The following GPC5 variants were observed in gnomAD, a reference collection of about 807,000 sequenced individuals.
GPC5 encodes glypican 5.
A neutral mutation model predicts 53.9 loss-of-function variants in GPC5; 47 were observed. The ratio of observed to expected loss-of-function variants is 0.87; its 90% CI spans 0.69 to 1.11. The LOEUF is 1.11. GPC5 is among the 50% of genes most tolerant of loss of function. GPC5 has a pLI of 0.00. For missense variants in GPC5, 748 were observed against 713.1 expected (o/e 1.05, Z -0.56); for synonymous variants, 286 against 263.3 (o/e 1.09, Z -0.84).
chr13:91,609,431 A>G (rs1290266889), intron 2 of GPC5, among the ~76,000 whole-genome samples: 5 of 152,148 alleles, frequency 3.3e-5, no homozygotes, highest in Non-Finnish European at 7.4e-5. Flanking sequence ...CCAGGAGGGG[A>G]ACACCTCATG....
At chr13:91,757,524 T>C (rs1302422633) in intron 5 of GPC5, among the ~76,000 whole-genome samples, 1 of 152,120 alleles carries the variant, frequency 6.6e-6, no homozygotes, top group Non-Finnish European at 1.5e-5. Context: ...TCCCCGATCC[T>C]GTTCTTGGGA....
intron 1 of GPC5, among the ~76,000 whole-genome samples, chr13:91,429,960 A>T (rs1235244670): frequency 2.6e-5 from 4 of 152,326 alleles, no homozygotes; most frequent in South Asian, 4.1e-4. Context: ...GTGTTAGATT[A>T]TACACTCTGG....
chr13:92,152,917 A>AC (rs746220069), intron 7 of GPC5, among the ~76,000 whole-genome samples: 1 of 152,178 alleles, frequency 6.6e-6, no homozygotes, highest in African/African-American at 2.4e-5. Context: ...ATTTCACTGA[A>AC]CAGAGAGTTT....
chr13:92,082,422 A>G (rs2041303473), intron 6 of GPC5, among the ~76,000 whole-genome samples: 1 of 152,146 alleles, frequency 6.6e-6, no homozygotes, highest in African/African-American at 2.4e-5. Context: ...AATTTATAAT[A>G]CCCAGAGGAG....
At chr13:91,571,758 C>CGTGT (rs1566514982) in intron 2 of GPC5, among the ~76,000 whole-genome samples, 1 of 94,168 alleles carries the variant, frequency 1.1e-5, no homozygotes, top group African/African-American at 6.6e-5. Flanking sequence ...CACACATATA[C>CGTGT]ATGTGTATGT....
intron 7 of GPC5, among the ~76,000 whole-genome samples, chr13:92,595,277 G>A (rs189031875): frequency 2.7e-4 from 41 of 152,202 alleles, no homozygotes; most frequent in Middle Eastern, 6.8e-3. Context: ...TTCTCTCCAG[G>A]CCAATGCAGA....
At chr13:92,562,647 C>A (rs1156438316) in intron 7 of GPC5, among the ~76,000 whole-genome samples, 1 of 151,946 alleles carries the variant, frequency 6.6e-6, no homozygotes, top group African/African-American at 2.4e-5. Flanking sequence ...CAATATGCTG[C>A]GAAATCATCT....
intron 7 of GPC5, among the ~76,000 whole-genome samples, chr13:92,808,232 T>C (rs902440202): frequency 6.6e-6 from 1 of 152,106 alleles, no homozygotes; most frequent in Non-Finnish European, 1.5e-5. Flanking sequence ...TTTCCATAGA[T>C]TTTGTAATGC....
At chr13:91,483,961 T>C (rs1883448034) in intron 2 of GPC5, among the ~76,000 whole-genome samples, 3 of 152,220 alleles carry the variant, frequency 2.0e-5, no homozygotes, top group Non-Finnish European at 2.9e-5. Flanking sequence ...TCCTGAACTT[T>C]CAATTTATCA....
Position 92,377,447 on chromosome 13 carries a change from T to C in GPC5, c.1561+232458T>C, listed in dbSNP as rs564558856. ...TGGAAGTAAAGGAATAAATTAATTG[T>C]CTCTGTGATATAATATGGAAGTTAT... is the stretch of plus-strand genomic sequence containing the variant. On this transcript the variant is annotated intron_variant, in intron 7 of 7. Coordinates refer to ENST00000377067, the MANE Select transcript of GPC5 (RefSeq NM_004466.6). Among the ~76,000 whole-genome samples, 4 of 152,306 alleles carry C rather than the reference T, an allele frequency of 2.6e-5. No individual in the cohort carries two copies. In the South Asian group the frequency reaches 6.2e-4, roughly 24 times the overall value.
intron 7 of GPC5, among the ~76,000 whole-genome samples, chr13:92,781,955 AC>A (rs1208709170): frequency 6.6e-6 from 1 of 152,106 alleles, no homozygotes; most frequent in Non-Finnish European, 1.5e-5. Flanking sequence ...TAATTTCCAC[AC>A]CAATTTTCAA....
chr13:91,543,570 A>G (rs2030096363), intron 2 of GPC5, among the ~76,000 whole-genome samples: 1 of 151,784 alleles, frequency 6.6e-6, no homozygotes, highest in Non-Finnish European at 1.5e-5. Flanking sequence ...TTTTTATGTT[A>G]TAGTAAAAAT....
rs141985815 is a variant in GPC5, at chr13:92,749,654, G to T, written c.1562-116628G>T. Among the ~76,000 whole-genome samples, 979 of 152,098 alleles carry T rather than the reference G, an allele frequency of 6.4e-3. 10 individuals are homozygous for T. Among genetic ancestry groups the T allele is most frequent in the African/African-American group, 0.023 (936 of 41,488 alleles). ...AATATGCTTCTGTTGCCTGACACAT[G>T]GTTTTCCATAACATCTTTCAATTGC... On this transcript the variant is annotated intron_variant, in intron 7 of 7. Transcript: ENST00000377067.
chr13:91,945,040 T>G (rs978609012), intron 6 of GPC5, among the ~76,000 whole-genome samples: 1 of 152,190 alleles, frequency 6.6e-6, no homozygotes, highest in African/African-American at 2.4e-5. Context: ...TATCTTGGAG[T>G]TGAACATTCT....
chr13:91,660,826 C>T (rs1384241952), intron 2 of GPC5, among the ~76,000 whole-genome samples: 11 of 152,064 alleles, frequency 7.2e-5, no homozygotes, highest in African/African-American at 2.7e-4. Flanking sequence ...ACCTTCTCCT[C>T]CTTCTCTATT....
intron 7 of GPC5, among the ~76,000 whole-genome samples, chr13:92,172,096 A>G (rs1256542525): frequency 4.6e-5 from 7 of 152,246 alleles, no homozygotes; most frequent in Non-Finnish European, 1.0e-4. Context: ...TCTAAGAAGC[A>G]TAATAGTATT....
chr13:92,770,733 G>GT (rs1875581559), intron 7 of GPC5, among the ~76,000 whole-genome samples: 2 of 152,104 alleles, frequency 1.3e-5, no homozygotes, highest in Admixed American at 1.3e-4. Context: ...TTAATGAGTG[G>GT]TTTTCAGCTG....
chr13:92,154,043 G>A (rs1490257255), intron 7 of GPC5, among the ~76,000 whole-genome samples: 1 of 152,202 alleles, frequency 6.6e-6, no homozygotes, highest in Non-Finnish European at 1.5e-5. Context: ...GGCTGTGTGA[G>A]AAGCCTGGTG....
chr13:91,496,499 T>C (rs1421255717), intron 2 of GPC5, among the ~76,000 whole-genome samples: 1 of 152,214 alleles, frequency 6.6e-6, no homozygotes, highest in African/African-American at 2.4e-5. Flanking sequence ...GAACTGTTCA[T>C]TATGTTAAGT....
Sources: gnomAD v4.1 joint callset for allele counts (sites outside exome capture counted in the v4.1 genomes callset) on GRCh38, gnomAD v4.1.1 for gene constraint, MANE v1.5 for transcripts, NCBI Gene and HGNC (gene_info 2026-07-23, HGNC 2026-07-21) for gene names.